PRMT1: variants seen among roughly 807,000 people sequenced by gnomAD.
PRMT1 encodes protein arginine methyltransferase 1.
A neutral mutation model predicts 47.4 loss-of-function variants in PRMT1; 5 were observed. That is an observed-to-expected ratio of 0.11 (90% CI 0.06 to 0.22). The LOEUF (loss-of-function observed/expected upper bound fraction) is 0.22, where lower values mean the gene tolerates loss of function less well. Ranked by LOEUF, PRMT1 falls within the 10% of genes least tolerant of loss-of-function variation. The pLI, the probability that PRMT1 is intolerant of heterozygous loss-of-function variation, is 1.00. For synonymous variants in PRMT1, 227 were observed against 204.6 expected (o/e 1.11, Z -0.94); for missense variants, 249 against 518.4 (o/e 0.48, Z 5.05).
At chr19:49,677,228 T>A (rs1322944750), upstream of PRMT1, 2 of 1,362,272 alleles carry the variant, frequency 1.5e-6, no homozygotes, top group African/African-American at 1.6e-5. Context: ...CCCGGGGGAG[T>A]GAGGAGAAAG....
At chr19:49,677,680 G>T (rs958151030) in intron 1 of PRMT1, 2 of 184,586 alleles carry the variant, frequency 1.1e-5, no homozygotes, top group African/African-American at 4.7e-5. Flanking sequence ...GGCCGGGGAG[G>T]GGCGCCCAGG....
chr19:49,688,049 T>C lies in PRMT1; in HGVS notation c.1033-113T>C, dbSNP rs2082236133. ...GGACCAGCAGTTGGGGTCTGCAGCG[T>C]GGAGATGGGCAGGAAGCTGGAGCCC... On this transcript the variant is annotated intron_variant, in intron 10 of 10. Transcript: ENST00000454376. This position sits in a 1 kb window ranked among gnomAD's most constrained non-coding sequence, Gnocchi z 5.3. 2 of 960,970 alleles carry C rather than the reference T, an allele frequency of 2.1e-6. No homozygotes were observed. Among genetic ancestry groups the C allele is most frequent in the Non-Finnish European group, 1.7e-6 (1 of 589,702 alleles). 59.5% of individuals were successfully genotyped at this position (960,970 alleles called of 1,614,324 possible).
Position 49,686,493 on chromosome 19 carries a change from G to A in PRMT1, c.911-112G>A, listed in dbSNP as rs558396228. On this transcript the variant is annotated intron_variant, in intron 9 of 10. Coordinates refer to ENST00000454376, the MANE Select transcript of PRMT1 (RefSeq NM_001536.6). ...GCTCAATGACAGGGAGGTGACTCGCGGATAGCAGTCCCATCAGCTGTCATG... is the reference window on the plus strand; with the variant it reads ...GCTCAATGACAGGGAGGTGACTCGCAGATAGCAGTCCCATCAGCTGTCATG... The A allele has an allele frequency of 1.8e-4, 236 of 1,282,054 alleles. 1 individual carries two copies. The African/African-American group carries it at 3.3e-3, about 18-fold the overall frequency. The allele number at this position is 1,282,054 out of a possible 1,614,324, so 79.4% of individuals were successfully genotyped here. A position where few individuals can be genotyped will look rare whatever the true frequency, so the allele number is the denominator to read the frequency against.
intron 5 of PRMT1, 26 bp from the exon 6 acceptor site, chr19:49,683,901 A>G (rs781595924): frequency 6.2e-7 from 1 of 1,602,644 alleles, no homozygotes; most frequent in Non-Finnish European, 8.5e-7. Context: ...CCGGGGGCTG[A>G]CGTGGCCACC....
At position 49,680,739 on chromosome 19, in the gene PRMT1, G is replaced by C. The variant is rs1300254918; in HGVS notation, c.192+151G>C. The C allele has an allele frequency of 4.6e-6, 3 of 654,894 alleles. No individual in the cohort carries two copies. Among genetic ancestry groups the C allele is most frequent in the Non-Finnish European group, 8.0e-6 (3 of 375,080 alleles). 40.6% of individuals were successfully genotyped at this position (654,894 alleles called of 1,614,324 possible). A position where few individuals can be genotyped will look rare whatever the true frequency, so the allele number is the denominator to read the frequency against. On this transcript the variant is annotated intron_variant, in intron 3 of 10. Coordinates refer to ENST00000454376, the MANE Select transcript of PRMT1 (RefSeq NM_001536.6). This position sits in a 1 kb window ranked among gnomAD's most constrained non-coding sequence, Gnocchi z 4.2. ...GCTGCGCACTTCCTAGGGTCGCCTC[G>C]CCAAGCCGTTGCCTTGGAGACCGAG...
At position 49,684,217 on chromosome 19, in the gene PRMT1, C is replaced by A; in HGVS notation, c.555+148C>A. The A allele has an allele frequency of 8.6e-7, 1 of 1,158,802 alleles. No homozygotes were observed. Among genetic ancestry groups the A allele is most frequent in the Non-Finnish European group, 1.2e-6 (1 of 816,012 alleles). The allele number at this position is 1,158,802 out of a possible 1,614,324, so 71.8% of individuals were successfully genotyped here. A position where few individuals can be genotyped will look rare whatever the true frequency, so the allele number is the denominator to read the frequency against. ...AAGCCACAGCCCAAGCCAGGTGTGA[C>A]AGACCCTGGAGGGAGATGGTGCGAT... is the stretch of plus-strand genomic sequence containing the variant. On this transcript the variant is annotated intron_variant, in intron 6 of 10. Transcript: ENST00000454376. This position sits in a 1 kb window ranked among gnomAD's most constrained non-coding sequence, Gnocchi z 6.2.
In PRMT1 at chr19:49,685,113, C is replaced by G. The variant is rs757081066; in HGVS notation, c.759+76C>G. ...GCCATCACCTGGCCCTGGCATGGGA[C>G]TTTGGGGCCCAGAATGTTGGCCTGA... On this transcript the variant is annotated intron_variant, in intron 8 of 10. Coordinates refer to ENST00000454376, the MANE Select transcript of PRMT1 (RefSeq NM_001536.6). This position sits in a 1 kb window ranked among gnomAD's most constrained non-coding sequence, Gnocchi z 4.7. 55 of 1,596,510 alleles carry G rather than the reference C, an allele frequency of 3.4e-5. No homozygotes were observed. Among genetic ancestry groups the G allele is most frequent in the Non-Finnish European group, 4.6e-5 (54 of 1,171,550 alleles).
chr19:49,688,352 C>A lies in PRMT1; in HGVS notation c.*107C>A. 9.2e-7 allele frequency: 1 copy of A among 1,087,706 alleles called. No homozygotes were observed. Among genetic ancestry groups the A allele is most frequent in the Non-Finnish European group, 1.4e-6 (1 of 718,866 alleles). 67.4% of individuals were successfully genotyped at this position (1,087,706 alleles called of 1,614,324 possible). A position where few individuals can be genotyped will look rare whatever the true frequency, so the allele number is the denominator to read the frequency against. On this transcript the variant is annotated 3_prime_UTR_variant, in exon 11 of 11. Transcript: ENST00000454376. This position sits in a 1 kb window ranked among gnomAD's most constrained non-coding sequence, Gnocchi z 5.3. ...TCCCGCAGAAGGGGGTTTTAGGGGCCTGGGCTGGGGGGATGGGGAGGGCAC... is the reference window on the plus strand; with the variant it reads ...TCCCGCAGAAGGGGGTTTTAGGGGCATGGGCTGGGGGGATGGGGAGGGCAC...
intron 5 of PRMT1, 65 bp from the exon 6 acceptor site, chr19:49,683,862 C>T (rs747787542): frequency 5.3e-5 from 83 of 1,561,594 alleles, no homozygotes; most frequent in South Asian, 2.4e-4. Flanking sequence ...CTCTAGCCCC[C>T]GGGGGAGGTG....
At chr19:49,677,173 C>A (rs1391457315), upstream of PRMT1, 17 of 1,102,828 alleles carry the variant, frequency 1.5e-5, no homozygotes, top group Non-Finnish European at 1.2e-6. Flanking sequence ...AATCTTCCAG[C>A]GGGGTCGCGG....
chr19:49,684,140 A>G lies in PRMT1; in HGVS notation c.555+71A>G, dbSNP rs1160865481. The G allele has an allele frequency of 4.4e-6, 7 of 1,586,346 alleles. No individual in the cohort carries two copies. Among genetic ancestry groups the G allele is most frequent in the African/African-American group, 4.0e-5 (3 of 74,342 alleles). On this transcript the variant is annotated intron_variant, in intron 6 of 10. Coordinates refer to ENST00000454376, the MANE Select transcript of PRMT1 (RefSeq NM_001536.6). The surrounding 1 kb of genome is among the most constrained non-coding windows in gnomAD (Gnocchi z 6.2). ...AGGTAGAAGACGAAAACCACGCTCA[A>G]TTTTTCCCACAGACGGGACTTACTG...
At chr19:49,683,309 G>A (rs895728990) in intron 5 of PRMT1, among the ~76,000 whole-genome samples, 8 of 151,908 alleles carry the variant, frequency 5.3e-5, no homozygotes, top group African/African-American at 1.9e-4. Context: ...CGGTAAATGC[G>A]TCTGCTTGTG....
rs199896103 is a variant in PRMT1, at chr19:49,683,892, C to T, written c.413-35C>T. 216 of 1,594,162 alleles carry T rather than the reference C, an allele frequency of 1.4e-4. 1 individual carries two copies. The highest frequency in any genetic ancestry group is 1.2e-3 in the East Asian group (54 of 43,662). On this transcript the variant is annotated intron_variant, in intron 5 of 10. Coordinates refer to ENST00000454376, the MANE Select transcript of PRMT1 (RefSeq NM_001536.6). The stretch of plus-strand genomic sequence containing the variant: ...GAGGTGAGGTGAGGGGCAGGCCTCC[C>T]GGGGGCTGACGTGGCCACCCTTGTC...
intron 5 of PRMT1, 156 bp from the exon 6 acceptor site, chr19:49,683,771 C>T (rs753338360): frequency 4.3e-5 from 33 of 763,526 alleles, no homozygotes; most frequent in Middle Eastern, 3.7e-4. Flanking sequence ...ATGTCCAGAA[C>T]GATGTATGAA....
In PRMT1 at chr19:49,686,726, C is replaced by A; in HGVS notation, c.1032C>A (p.Asn344Lys). The A allele has an allele frequency of 6.3e-7, 1 of 1,576,288 alleles. No individual in the cohort carries two copies. Among genetic ancestry groups the A allele is most frequent in the South Asian group, 1.1e-5 (1 of 90,520 alleles). Residue 344 changes from asparagine to lysine, a missense_variant and splice_region_variant, in exon 10 of 11, where the codon AAC (asparagine) becomes AAA (lysine). Asn to Lys is a moderately conservative substitution (Grantham distance 94, BLOSUM62 0). Transcript: ENST00000454376. ...GCATGCGGCCCAACGCCAAGAACAA[C>A]GTGAGGCTCCGGGCAGCTGGGTGGG... ...TIGMRPNAKN[N>K]RDLDFTIDLD...
intron 10 of PRMT1, 55 bp downstream of exon 10, chr19:49,686,781 T>A: frequency 1.7e-6 from 1 of 584,306 alleles, no homozygotes; most frequent in Non-Finnish European, 2.1e-6. Flanking sequence ...GGAGTGTAGA[T>A]TGGGGGGGGA....
At position 49,684,916 on chromosome 19, in the gene PRMT1, C is replaced by T; in HGVS notation, c.644-6C>T. 1 of 1,603,092 alleles carries T rather than the reference C, an allele frequency of 6.2e-7. No homozygotes were observed. The highest frequency in any genetic ancestry group is 1.1e-5 in the South Asian group (1 of 90,292). On this transcript the variant is annotated splice_polypyrimidine_tract_variant and splice_region_variant and intron_variant, in intron 7 of 10. Coordinates refer to ENST00000454376, the MANE Select transcript of PRMT1 (RefSeq NM_001536.6). The surrounding 1 kb of genome is among the most constrained non-coding windows in gnomAD (Gnocchi z 6.2). ...GGGCTCACCCCCTCCCTGCCTGCCT[C>T]CCCAGGGTGGGAGAACGTGTATGGC...
chr19:49,688,071 G>A lies in PRMT1; in HGVS notation c.1033-91G>A. 8.8e-7 allele frequency: 1 copy of A among 1,140,362 alleles called. No individual in the cohort carries two copies. Among genetic ancestry groups the A allele is most frequent in the South Asian group, 1.2e-5 (1 of 81,646 alleles). The allele number at this position is 1,140,362 out of a possible 1,614,324, so 70.6% of individuals were successfully genotyped here. Reference sequence around the variant, plus strand: ...GCGTGGAGATGGGCAGGAAGCTGGAGCCCGGCTCATCGTCGCATAGCCTGC... The same window carrying A: ...GCGTGGAGATGGGCAGGAAGCTGGAACCCGGCTCATCGTCGCATAGCCTGC... On this transcript the variant is annotated intron_variant, in intron 10 of 10. Transcript: ENST00000454376. The surrounding 1 kb of genome is among the most constrained non-coding windows in gnomAD (Gnocchi z 5.3).
Position 49,680,349 on chromosome 19 carries a change from A to T in PRMT1, c.91-138A>T. 1 of 928,330 alleles carries T rather than the reference A, an allele frequency of 1.1e-6. No homozygotes were observed. Among genetic ancestry groups the T allele is most frequent in the Non-Finnish European group, 1.7e-6 (1 of 589,036 alleles). 57.5% of individuals were successfully genotyped at this position (928,330 alleles called of 1,614,324 possible). ...GGGGTTCCTGGGGGGGCAAGATGGC[A>T]GGCGGGGGCTGTAGGGTTGTCATGG... On this transcript the variant is annotated intron_variant, in intron 2 of 10. Transcript: ENST00000454376. This position sits in a 1 kb window ranked among gnomAD's most constrained non-coding sequence, Gnocchi z 4.2.
Sources: allele counts gnomAD v4.1 joint callset (sites outside exome capture counted in the v4.1 genomes callset), GRCh38; gene constraint gnomAD v4.1.1; non-coding constraint Gnocchi (gnomAD v3.1); transcripts MANE v1.5; gene names NCBI Gene and HGNC (gene_info 2026-07-23, HGNC 2026-07-21).